ATP8B1: variants seen among roughly 807,000 people sequenced by gnomAD.
The protein encoded by ATP8B1 is ATPase phospholipid transporting 8B1.
Under a neutral mutation model 149.9 loss-of-function variants are expected in ATP8B1, and 80 were observed. The ratio of observed to expected loss-of-function variants is 0.53; its 90% CI spans 0.45 to 0.64. The LOEUF (loss-of-function observed/expected upper bound fraction) is 0.64. ATP8B1 is among the 30% of genes least tolerant of loss of function. The probability of loss-of-function intolerance (pLI) is 0.00; values close to 1 mark genes in which losing one functional copy is unlikely to be tolerated. For synonymous variants in ATP8B1, 536 were observed against 562.8 expected, an observed-to-expected ratio of 0.95 and a Z score of 0.67; for missense variants, 1,247 against 1,552.6, an observed-to-expected ratio of 0.80 and a Z score of 3.31.
intron 12 of ATP8B1, among the ~76,000 whole-genome samples, chr18:57,689,881 T>C (rs1912444555): frequency 6.6e-6 from 1 of 152,066 alleles, no homozygotes. Context: ...CCAGGCATAG[T>C]GGCATGTACT....
At chr18:57,732,357 A>G (rs928285122) in intron 1 of ATP8B1, among the ~76,000 whole-genome samples, 1 of 134,020 alleles carries the variant, frequency 7.5e-6, no homozygotes, top group Non-Finnish European at 1.6e-5. Flanking sequence ...ATATATGTGT[A>G]TATATATGTA....
chr18:57,678,690 T>G (rs4564668), intron 15 of ATP8B1, among the ~76,000 whole-genome samples: 1 of 45,628 alleles, frequency 2.2e-5, no homozygotes, highest in Non-Finnish European at 5.3e-5. Context: ...TCCCAGCCAA[T>G]GCAGCAGGCT....
At chr18:57,767,531 T>C (rs2080222638) in intron 1 of ATP8B1, among the ~76,000 whole-genome samples, 1 of 152,106 alleles carries the variant, frequency 6.6e-6, no homozygotes, top group African/African-American at 2.4e-5. Flanking sequence ...CTCATGCCTG[T>C]AATGCCAGCA....
intron 1 of ATP8B1, among the ~76,000 whole-genome samples, chr18:57,765,648 G>A (rs2123350447): frequency 6.7e-6 from 1 of 149,968 alleles, no homozygotes. Context: ...TAGCCTGGGT[G>A]ACAGAGTGAG....
intron 1 of ATP8B1, among the ~76,000 whole-genome samples, chr18:57,763,279 C>G (rs1403011508): frequency 6.6e-6 from 1 of 151,982 alleles, no homozygotes; most frequent in African/African-American, 2.4e-5. Context: ...ATAATCCCAG[C>G]TACTAGGGAG....
At chr18:57,737,472 G>C (rs535453705) in intron 1 of ATP8B1, among the ~76,000 whole-genome samples, 3 of 151,756 alleles carry the variant, frequency 2.0e-5, no homozygotes, top group Admixed American at 6.6e-5. Flanking sequence ...TCTCAAATCT[G>C]AGGGCTCCAG....
chr18:57,652,863 C>A, intron 24 of ATP8B1, 134 bp from the exon 25 acceptor site: 2 of 1,071,874 alleles, frequency 1.9e-6, no homozygotes, highest in Non-Finnish European at 2.8e-6. Flanking sequence ...ACAAGATAAT[C>A]GATCAATCCT....
chr18:57,767,352 C>T (rs1192156373), intron 1 of ATP8B1, among the ~76,000 whole-genome samples: 1 of 152,198 alleles, frequency 6.6e-6, no homozygotes, highest in Non-Finnish European at 1.5e-5. Context: ...GTAAGAAAAA[C>T]CCAAGGCCAT....
chr18:57,794,151 T>TG (rs2080488692), intron 1 of ATP8B1, among the ~76,000 whole-genome samples: 1 of 152,184 alleles, frequency 6.6e-6, no homozygotes, highest in Non-Finnish European at 1.5e-5. Flanking sequence ...GATGAGTTTT[T>TG]GTGTGTTTTG....
chr18:57,650,567 G>T, intron 26 of ATP8B1, 70 bp from the exon 27 acceptor site: 1 of 1,564,016 alleles, frequency 6.4e-7, no homozygotes, highest in East Asian at 2.4e-5. Context: ...ATTTCGCCAG[G>T]TGTGGTGGCT....
At chr18:57,739,238 T>C (rs184286993) in intron 1 of ATP8B1, among the ~76,000 whole-genome samples, 1 of 152,222 alleles carries the variant, frequency 6.6e-6, no homozygotes, top group African/African-American at 2.4e-5. Context: ...CCTCAGGTGA[T>C]CCGCTCACCT....
intron 4 of ATP8B1, among the ~76,000 whole-genome samples, chr18:57,702,249 C>G (rs1913165216): frequency 6.6e-6 from 1 of 152,182 alleles, no homozygotes; most frequent in Non-Finnish European, 1.5e-5. Flanking sequence ...TAAGTTTGAA[C>G]AAAGATTGGG....
In ATP8B1 at chr18:57,782,495, C is replaced by T. The variant is rs547664209; in HGVS notation, c.-26+20503G>A. On this transcript the variant is annotated intron_variant, in intron 1 of 27. Transcript: ENST00000648908. ...TCCAAGCCATTCTCTGTCTTGACTA[C>T]GCATGAGAGAATCAGCCAGGTTTAT... is the stretch of plus-strand genomic sequence containing the variant. Among the ~76,000 whole-genome samples, 205 of 152,290 alleles carry T rather than the reference C, an allele frequency of 1.3e-3. 1 individual carries two copies. Among genetic ancestry groups the T allele is most frequent in the Non-Finnish European group, 2.3e-3 (157 of 68,022 alleles).
Position 57,655,290 on chromosome 18 carries a change from T to C in ATP8B1, c.2835A>G (p.Ile945Met). 6.2e-7 allele frequency: 1 copy of C among 1,614,170 alleles called. No homozygotes were observed. The highest frequency in any genetic ancestry group is 8.5e-7 in the Non-Finnish European group (1 of 1,180,008). ...AGTATCGTAGGAACTTGCACATCCT[T>C]ATGTAAGACCATCGGCCATGCACCA... Reference protein sequence around the residue: ...LLLVHGRWSYIRMCKFLRYFF... With the variant: ...LLLVHGRWSYMRMCKFLRYFF... The change falls in exon 23 of 28, where the codon ATA becomes ATG. Residue 945 changes from isoleucine (I) to methionine (M), a missense_variant. By Grantham distance (10) the Ile-to-Met change is conservative. Around this residue, in one of 3 missense-constraint regions of ATP8B1, gnomAD observed 230 missense variants for 356.6 expected, o/e 0.65. Coordinates refer to ENST00000648908, the MANE Select transcript of ATP8B1 (RefSeq NM_001374385.1).
In ATP8B1 at chr18:57,752,207, A is replaced by AAATAATAATAATAATAAT. The variant is rs74183222; in HGVS notation, c.-25-20393_-25-20376dup. Among the ~76,000 whole-genome samples, 1,261 of 138,290 alleles carry AAATAATAATAATAATAAT rather than the reference A, an allele frequency of 9.1e-3. 13 individuals carry two copies. The highest frequency in any genetic ancestry group is 0.012 in the African/African-American group (444 of 36,754). The allele number at this position is 138,290 out of a possible 152,430, so 90.7% of individuals were successfully genotyped here. A position where few individuals can be genotyped will look rare whatever the true frequency, so the allele number is the denominator to read the frequency against. On this transcript the variant is annotated intron_variant, in intron 1 of 27. Coordinates refer to ENST00000648908, the MANE Select transcript of ATP8B1 (RefSeq NM_001374385.1). ...GGGCAATAGAGTGAGACCCTGTCTC[A>AAATAATAATAATAATAAT]AATAATAATAATAATAATGATAATA...
At chr18:57,766,245 A>T (rs2080210939) in intron 1 of ATP8B1, among the ~76,000 whole-genome samples, 1 of 151,960 alleles carries the variant, frequency 6.6e-6, no homozygotes, top group Non-Finnish European at 1.5e-5. Context: ...CGGTTTCACC[A>T]TATTGGCCAG....
At chr18:57,757,701 C>CA (rs770456867) in intron 1 of ATP8B1, among the ~76,000 whole-genome samples, 19 of 152,166 alleles carry the variant, frequency 1.2e-4, no homozygotes, top group Non-Finnish European at 2.5e-4. Context: ...CTCTCCAAAA[C>CA]AATAACTCAT....
intron 2 of ATP8B1, among the ~76,000 whole-genome samples, chr18:57,710,972 TCCTAAAAG>T (rs1170208295): frequency 6.6e-6 from 1 of 152,182 alleles, no homozygotes; most frequent in African/African-American, 2.4e-5. Context: ...ATATTTGGGT[TCCTAAAAG>T]AGAAATGCAA....
intron 27 of ATP8B1, 105 bp from the exon 28 acceptor site, chr18:57,648,817 C>G: frequency 9.0e-7 from 1 of 1,117,052 alleles, no homozygotes; most frequent in Non-Finnish European, 1.3e-6. Flanking sequence ...CCCCTGACAC[C>G]TGCCCCATTT....
Sources: gnomAD v4.1 joint callset for allele counts (sites outside exome capture counted in the v4.1 genomes callset) on GRCh38, gnomAD v4.1.1 for gene constraint, gnomAD v4.1.1 regional missense constraint, MANE v1.5 for transcripts, NCBI Gene and HGNC (gene_info 2026-07-23, HGNC 2026-07-21) for gene names.